The following FXYD7 variants were observed in gnomAD, a reference collection of about 807,000 sequenced individuals.
FXYD7 encodes the protein FXYD domain-containing ion transport regulator 7.
FXYD7 carries 7 observed loss-of-function variants against 15.3 expected under a neutral mutation model. That is an observed-to-expected ratio of 0.46 (90% CI 0.26 to 0.86). FXYD7 has a LOEUF of 0.86. Ranked by LOEUF, FXYD7 falls within the 40% of genes least tolerant of loss-of-function variation. The pLI is 0.16. For missense variants in FXYD7, 78 were observed against 100.6 expected (o/e 0.78, Z 0.96); for synonymous variants, 39 against 39.3 (o/e 0.99, Z 0.03).
At chr19:35,149,119 A>T in intron 2 of FXYD7, 2 of 458,748 alleles carry the variant, frequency 4.4e-6, no homozygotes, top group South Asian at 3.1e-5. Context: ...TAAACAAGGG[A>T]TAGTAATAGT....
At chr19:35,153,660 C>T (rs1184401721) in intron 5 of FXYD7, among the ~76,000 whole-genome samples, 1 of 152,162 alleles carries the variant, frequency 6.6e-6, no homozygotes. Context: ...CAGGTTGGGT[C>T]TGGGGTCGCC....
intron 1 of FXYD7, among the ~76,000 whole-genome samples, chr19:35,148,093 A>AAG (rs770163373): frequency 1.5e-4 from 19 of 125,012 alleles, no homozygotes; most frequent in African/African-American, 5.3e-4. Flanking sequence ...GAAAGAAAGA[A>AAG]AGAGAGAGAG....
intron 1 of FXYD7, among the ~76,000 whole-genome samples, chr19:35,146,083 T>C (rs558465670): frequency 6.6e-6 from 1 of 152,318 alleles, no homozygotes; most frequent in East Asian, 1.9e-4. Flanking sequence ...CAACCCAGGA[T>C]TAGCTTTTGA....
intron 1 of FXYD7, among the ~76,000 whole-genome samples, chr19:35,147,781 G>T (rs1268049907): frequency 2.0e-4 from 30 of 151,850 alleles, no homozygotes. Flanking sequence ...ATCATCGGAG[G>T]TCAGGAGTTT....
chr19:35,149,177 A>C, intron 2 of FXYD7: 1 of 384,950 alleles, frequency 2.6e-6, no homozygotes, highest in Non-Finnish European at 5.3e-6. Context: ...GTGGCATTAA[A>C]TCTCCTCCAT....
At chr19:35,148,145 GAAAT>G (rs1464546556) in intron 1 of FXYD7, among the ~76,000 whole-genome samples, 1 of 152,076 alleles carries the variant, frequency 6.6e-6, no homozygotes, top group African/African-American at 2.4e-5. Flanking sequence ...GAAAGAAAAA[GAAAT>G]AAGTAATGTG....
chr19:35,145,224 C>T (rs917162654), intron 1 of FXYD7, among the ~76,000 whole-genome samples: 2 of 152,200 alleles, frequency 1.3e-5, no homozygotes, highest in African/African-American at 2.4e-5. Context: ...CCAAGATGCC[C>T]CAGTTGCCAT....
intron 1 of FXYD7, among the ~76,000 whole-genome samples, chr19:35,148,043 GA>G (rs1219780449): frequency 1.4e-5 from 1 of 73,272 alleles, no homozygotes; most frequent in African/African-American, 7.5e-5. Flanking sequence ...AAGAAAGAAA[GA>G]AAGAAAGAAA....
chr19:35,143,465 TG>T lies in FXYD7; in HGVS notation c.31+106del. 1.1e-6 allele frequency: 1 copy of T among 938,364 alleles called. No homozygotes were observed. The highest frequency in any genetic ancestry group is 1.5e-6 in the Non-Finnish European group (1 of 667,190). The allele number at this position is 938,364 out of a possible 1,614,324, so 58.1% of individuals were successfully genotyped here. Reference sequence around the variant, plus strand: ...TCAAGCAATGGTAAGGCAAGGGAGTTGGGGGAGGGAGGTCCGCTCCTCCTGT... The same window carrying T: ...TCAAGCAATGGTAAGGCAAGGGAGTTGGGGAGGGAGGTCCGCTCCTCCTGT... On this transcript the variant is annotated intron_variant, in intron 1 of 5. Coordinates refer to ENST00000270310, the MANE Select transcript of FXYD7 (RefSeq NM_022006.2). This position sits in a 1 kb window ranked among gnomAD's most constrained non-coding sequence, Gnocchi z 4.3.
At chr19:35,151,963 A>T (rs369101748) in intron 5 of FXYD7, among the ~76,000 whole-genome samples, 1 of 151,642 alleles carries the variant, frequency 6.6e-6, no homozygotes, top group Non-Finnish European at 1.5e-5. Flanking sequence ...ACATGGTGAA[A>T]CACCGTCTCT....
chr19:35,152,155 A>AAAAAAAAAAAAAAT (rs2065313287), intron 5 of FXYD7, among the ~76,000 whole-genome samples: 1 of 140,244 alleles, frequency 7.1e-6, no homozygotes, highest in Non-Finnish European at 1.6e-5. Context: ...AAAAAAAAAA[A>AAAAAAAAAAAAAAT]GAGGAAGGAA....
intron 2 of FXYD7, 74 bp downstream of exon 2, chr19:35,148,797 C>A: frequency 7.5e-7 from 1 of 1,333,298 alleles, no homozygotes. Flanking sequence ...CCGGACATGG[C>A]TTCAGCTGTG....
intron 2 of FXYD7, among the ~76,000 whole-genome samples, chr19:35,150,256 G>C (rs2065304829): frequency 6.6e-6 from 1 of 152,116 alleles, no homozygotes; most frequent in African/African-American, 2.4e-5. Flanking sequence ...AATTAGCTGG[G>C]CATGGTGGTG....
intron 5 of FXYD7, among the ~76,000 whole-genome samples, chr19:35,152,134 C>CAAAA (rs71167517): frequency 0.16 from 7,397 of 45,010 alleles, 771 homozygotes; most frequent in Admixed American, 0.24. Flanking sequence ...GTGAGACTGT[C>CAAAA]AAAAAAAAAA....
chr19:35,148,950 G>C (rs1262551316), intron 2 of FXYD7: 1 of 672,258 alleles, frequency 1.5e-6, no homozygotes, highest in East Asian at 2.9e-5. Context: ...GGTCTCACCG[G>C]GATCTGGGCT....
chr19:35,150,251 G>A (rs1328624443), intron 2 of FXYD7, among the ~76,000 whole-genome samples: 2 of 152,124 alleles, frequency 1.3e-5, no homozygotes, highest in African/African-American at 2.4e-5. Context: ...TTAAAAATTA[G>A]CTGGGCATGG....
At chr19:35,148,644 A>C in intron 1 of FXYD7, 50 bp from the exon 2 acceptor site, 1 of 1,463,466 alleles carries the variant, frequency 6.8e-7, no homozygotes, top group Non-Finnish European at 9.2e-7. Context: ...TAAGAAATAC[A>C]CTGTTAAGTT....
chr19:35,151,975 C>T (rs982142223), intron 5 of FXYD7, among the ~76,000 whole-genome samples: 1 of 151,478 alleles, frequency 6.6e-6, no homozygotes, highest in Non-Finnish European at 1.5e-5. Flanking sequence ...ACCGTCTCTG[C>T]TAAAAATGCA....
chr19:35,144,875 G>A (rs1173025224), intron 1 of FXYD7, among the ~76,000 whole-genome samples: 5 of 152,188 alleles, frequency 3.3e-5, no homozygotes, highest in Admixed American at 1.3e-4. Flanking sequence ...AACCCCGGGG[G>A]AGGAAAAGCA....
Sources: allele counts gnomAD v4.1 joint callset (sites outside exome capture counted in the v4.1 genomes callset), GRCh38; gene constraint gnomAD v4.1.1; non-coding constraint Gnocchi (gnomAD v3.1); transcripts MANE v1.5; gene names NCBI Gene and HGNC (gene_info 2026-07-23, HGNC 2026-07-21).